The following NCSTN variants were observed in gnomAD, a reference collection of about 807,000 sequenced individuals.
NCSTN encodes the protein anterior pharynx-defective 2.
NCSTN carries 22 observed loss-of-function variants against 87.0 expected under a neutral mutation model. The observed-to-expected ratio is 0.25, with a 90% CI of 0.18 to 0.36. The LOEUF (loss-of-function observed/expected upper bound fraction) is 0.36. Ranked by LOEUF, NCSTN falls within the 10% of genes least tolerant of loss-of-function variation. The pLI, the probability that NCSTN is intolerant of heterozygous loss-of-function variation, is 1.00. For synonymous variants in NCSTN, 306 were observed against 327.1 expected, an observed-to-expected ratio of 0.94 and a Z score of 0.69; for missense variants, 693 against 883.3, an observed-to-expected ratio of 0.78 and a Z score of 2.73.
chr1:160,349,051 C>A lies in NCSTN; in HGVS notation c.243C>A (p.Asp81Glu). The change falls in exon 3 of 17, where the codon GAC becomes GAA. Residue 81 changes from aspartate to glutamate, a missense_variant. Coordinates refer to ENST00000294785, the MANE Select transcript of NCSTN (RefSeq NM_015331.3). ...GVIHVVEKEE[D>E]LQWVLTDGPN... ...TCCACGTAGTAGAGAAAGAGGAGGA[C>A]CTACAGTGGGTATTGACTGATGGCC... 6.2e-7 allele frequency: 1 copy of A among 1,614,082 alleles called. No homozygotes were observed. Among genetic ancestry groups the A allele is most frequent in the Non-Finnish European group, 8.5e-7 (1 of 1,179,966 alleles).
intron 16 of NCSTN, among the ~76,000 whole-genome samples, chr1:160,357,799 G>A (rs1351749081): frequency 6.6e-6 from 1 of 152,166 alleles, no homozygotes; most frequent in African/African-American, 2.4e-5. Context: ...ACTCCCGGCT[G>A]GCATTCCCCA....
chr1:160,353,097 C>T (rs1648954135), intron 9 of NCSTN, 63 bp from the exon 10 acceptor site: 5 of 1,587,628 alleles, frequency 3.1e-6, no homozygotes, highest in South Asian at 2.2e-5. Flanking sequence ...TGACTTCTAT[C>T]CCCTAGGCAT....
At chr1:160,358,116 CT>C in intron 16 of NCSTN, 32 bp from the exon 17 acceptor site, 1 of 1,614,158 alleles carries the variant, frequency 6.2e-7, no homozygotes, top group Non-Finnish European at 8.5e-7. Flanking sequence ...CTGAGAATGC[CT>C]TTGTCCTTTC....
intron 2 of NCSTN, among the ~76,000 whole-genome samples, chr1:160,345,327 G>T (rs1319492969): frequency 6.6e-6 from 1 of 151,874 alleles, no homozygotes; most frequent in Non-Finnish European, 1.5e-5. Flanking sequence ...TGAGTAGCTG[G>T]GATTACATGC....
At chr1:160,355,556 A>T (rs1281459422) in intron 11 of NCSTN, 99 bp from the exon 12 acceptor site, 1 of 879,340 alleles carries the variant, frequency 1.1e-6, no homozygotes, top group African/African-American at 1.6e-5. Flanking sequence ...CTGATGCTGA[A>T]AATGAGATAC....
Position 160,352,178 on chromosome 1 carries a change from G to T in NCSTN, c.968G>T (p.Arg323Leu). 1.9e-6 allele frequency: 3 copies of T among 1,614,074 alleles called. No homozygotes were observed. The highest frequency in any genetic ancestry group is 1.1e-5 in the South Asian group (1 of 91,080). ...QKAPDVTTLP[R>L]NVMFVFFQGE... ...GCACCTGATGTGACCACCCTGCCCC[G>T]CAATGTCATGTTTGTCTTCTTTCAA... Residue 323 changes from arginine to leucine, a missense_variant, in exon 8 of 17, where the codon CGC (arginine) becomes CTC (leucine). By Grantham distance (102) the Arg-to-Leu change is moderately radical (BLOSUM62 -2). Around this residue, in one of 4 missense-constraint regions of NCSTN, gnomAD observed 134 missense variants for 226.0 expected, o/e 0.59. Transcript: ENST00000294785.
chr1:160,349,232 G>A, intron 3 of NCSTN, 110 bp downstream of exon 3: 1 of 1,446,558 alleles, frequency 6.9e-7, no homozygotes, highest in Non-Finnish European at 9.6e-7. Flanking sequence ...GTCTGGTCAG[G>A]GGAGAGGGCA....
At position 160,354,238 on chromosome 1, in the gene NCSTN, C is replaced by T. The variant is rs1085307081; in HGVS notation, c.1300C>T (p.Arg434Ter). Residue 434 changes from arginine (R) to a stop codon, truncating the protein, a stop_gained, in exon 11 of 17, where the codon CGA (arginine) becomes TGA (stop). Transcript: ENST00000294785. LOFTEE classifies it high-confidence loss of function. ...PSSLQRFLRA[R>*]NISGVVLADH... ...TTCCCTGCAGCGATTTCTTCGAGCT[C>T]GAAACATCTCTGGCGTTGTTCTGGC... 1 of 1,614,094 alleles carries T rather than the reference C, an allele frequency of 6.2e-7. No homozygotes were observed. Among genetic ancestry groups the T allele is most frequent in the South Asian group, 1.1e-5 (1 of 91,076 alleles).
intron 1 of NCSTN, 111 bp downstream of exon 1, chr1:160,343,592 C>A: frequency 1.0e-6 from 1 of 999,466 alleles, no homozygotes. Flanking sequence ...TGTCCCCCCA[C>A]CCTGTAAATC....
chr1:160,355,122 G>A (rs146387856), intron 11 of NCSTN, among the ~76,000 whole-genome samples: 5 of 152,250 alleles, frequency 3.3e-5, no homozygotes, highest in African/African-American at 1.2e-4. Flanking sequence ...ATTTACTGAT[G>A]GTAAAGACTG....
rs188408582 is a variant in NCSTN at position 160,344,454 on chromosome 1, G to C, written c.86-268G>C. 150 of 1,488,018 alleles carry C rather than the reference G, an allele frequency of 1.0e-4. No individual in the cohort carries two copies. The African/African-American group carries it at 1.8e-3, about 18-fold the overall frequency. The allele number at this position is 1,488,018 out of a possible 1,614,324, so 92.2% of individuals were successfully genotyped here. A position where few individuals can be genotyped will look rare whatever the true frequency, so the allele number is the denominator to read the frequency against. The stretch of plus-strand genomic sequence containing the variant: ...ATCTAAGGTCAAACACCTTTCCTTT[G>C]ACCAAGTTTTCTCTCTTTTAGTGTC... On this transcript the variant is annotated intron_variant, in intron 1 of 16. Coordinates refer to ENST00000294785, the MANE Select transcript of NCSTN (RefSeq NM_015331.3).
At chr1:160,344,855 A>T in intron 2 of NCSTN, 29 bp downstream of exon 2, 1 of 1,566,284 alleles carries the variant, frequency 6.4e-7, no homozygotes, top group Non-Finnish European at 8.8e-7. Flanking sequence ...ATGTTTGTGG[A>T]CATTGATATT....
intron 1 of NCSTN, 190 bp downstream of exon 1, chr1:160,343,671 C>A: frequency 1.4e-6 from 1 of 724,598 alleles, no homozygotes; most frequent in Non-Finnish European, 2.5e-6. Context: ...TTCTCCCCCG[C>A]AGCACGTCGT....
intron 3 of NCSTN, 78 bp from the exon 4 acceptor site, chr1:160,349,468 TTTG>T: frequency 6.4e-7 from 1 of 1,567,456 alleles, no homozygotes. Context: ...TAGTTCCCCA[TTTG>T]TTTCCATCCT....
At position 160,351,385 on chromosome 1, in the gene NCSTN, C is replaced by T. The variant is rs199801696; in HGVS notation, c.733+13C>T. ...AGCATCAACCCAGGTAGGGCAGATCCGAACCATGAGGGTAATGGAATAAGG... is the reference window on the plus strand; with the variant it reads ...AGCATCAACCCAGGTAGGGCAGATCTGAACCATGAGGGTAATGGAATAAGG... On this transcript the variant is annotated intron_variant, in intron 6 of 16. Transcript: ENST00000294785. 5.1e-5 allele frequency: 82 copies of T among 1,613,716 alleles called. No individual in the cohort carries two copies. Among genetic ancestry groups the T allele is most frequent in the African/African-American group, 3.6e-4 (27 of 75,010 alleles).
chr1:160,356,529 A>T, intron 14 of NCSTN, 71 bp from the exon 15 acceptor site: 1 of 1,589,840 alleles, frequency 6.3e-7, no homozygotes, highest in Non-Finnish European at 8.6e-7. Context: ...GGCTGCTGCC[A>T]ATCTTGGGCT....
intron 6 of NCSTN, 152 bp downstream of exon 6, chr1:160,351,524 T>G: frequency 3.0e-6 from 4 of 1,342,696 alleles, no homozygotes; most frequent in Non-Finnish European, 4.2e-6. Flanking sequence ...CTGAAAAATT[T>G]AGGCAGCTTG....
intron 4 of NCSTN, 109 bp downstream of exon 4, chr1:160,349,779 TC>T (rs1648737104): frequency 6.8e-7 from 1 of 1,461,942 alleles, no homozygotes; most frequent in African/African-American, 1.4e-5. Flanking sequence ...GTGTGTAGTG[TC>T]AGTAACTGAC....
chr1:160,349,783 T>C, intron 4 of NCSTN, 113 bp downstream of exon 4: 1 of 1,433,562 alleles, frequency 7.0e-7, no homozygotes, highest in South Asian at 1.2e-5. Context: ...GTAGTGTCAG[T>C]AACTGACTCC....
Sources: gnomAD v4.1 joint callset for allele counts (sites outside exome capture counted in the v4.1 genomes callset) on GRCh38, gnomAD v4.1.1 for gene constraint, gnomAD v4.1.1 regional missense constraint, MANE v1.5 for transcripts, NCBI Gene and HGNC (gene_info 2026-07-23, HGNC 2026-07-21) for gene names.